FBN1: variants seen among roughly 807,000 people sequenced by gnomAD.
FBN1 encodes fibrillin 1, also known as fibrillin-1.
Under a neutral mutation model 365.1 loss-of-function variants are expected in FBN1, and 29 were observed. That is an observed-to-expected ratio of 0.08 (90% CI 0.06 to 0.11). FBN1 has a LOEUF of 0.11. Ranked by LOEUF, FBN1 falls within the 10% of genes least tolerant of loss-of-function variation. The pLI is 1.00. For missense variants in FBN1, 2,476 were observed against 3,703.2 expected, an observed-to-expected ratio of 0.67 and a Z score of 8.60; for synonymous variants, 1,210 against 1,270.5, an observed-to-expected ratio of 0.95 and a Z score of 1.01.
At chr15:48,430,893 A>C (rs1187485618) in intron 55 of FBN1, 91 bp from the exon 56 acceptor site, 1 of 1,268,672 alleles carries the variant, frequency 7.9e-7, no homozygotes, top group Admixed American at 1.8e-5. Context: ...GTTAGTAAGT[A>C]ACCAATTTTC....
chr15:48,471,531 G>A (rs1301353788), intron 35 of FBN1, among the ~76,000 whole-genome samples: 1 of 152,162 alleles, frequency 6.6e-6, no homozygotes, highest in African/African-American at 2.4e-5. Context: ...ACATGATCAA[G>A]AGCATAATCT....
chr15:48,424,342 G>T lies in FBN1; in HGVS notation c.7453+1027C>A, dbSNP rs1222872371. Among the ~76,000 whole-genome samples, 12 of 152,248 alleles carry T rather than the reference G, an allele frequency of 7.9e-5. No individual in the cohort carries two copies. In the South Asian group the frequency reaches 1.2e-3, roughly 16 times the overall value. On this transcript the variant is annotated intron_variant, in intron 60 of 65. Coordinates refer to ENST00000316623, the MANE Select transcript of FBN1 (RefSeq NM_000138.5). ...TAACTCTCCCTTTCAGCAGACACAG[G>T]AAAGAGGTCAAGAGCCCAACTTCTC...
At chr15:48,503,706 C>T in intron 17 of FBN1, 81 bp downstream of exon 17, 2 of 1,590,878 alleles carry the variant, frequency 1.3e-6, no homozygotes, top group South Asian at 2.2e-5. Context: ...ATGTCATCTT[C>T]CCTGTGAATT....
In FBN1 at chr15:48,495,607, TA is replaced by T; in HGVS notation, c.2420-20del. On this transcript the variant is annotated intron_variant, in intron 20 of 65. Coordinates refer to ENST00000316623, the MANE Select transcript of FBN1 (RefSeq NM_000138.5). ...TCAATGTCTGAAACAAAAACAGGTC[TA>T]CATTACTGCTAAAATCTAGTCTTGG... The T allele has an allele frequency of 6.2e-7, 1 of 1,614,064 alleles. No homozygotes were observed. The highest frequency in any genetic ancestry group is 1.1e-5 in the South Asian group (1 of 91,084).
Position 48,495,551 on chromosome 15 carries a change from T to C in FBN1, c.2457A>G (p.Gly819=). 6.2e-7 allele frequency: 1 copy of C among 1,614,050 alleles called. No homozygotes were observed. Among genetic ancestry groups the C allele is most frequent in the Non-Finnish European group, 8.5e-7 (1 of 1,179,974 alleles). ...AAGAGCCTGGGCTGTTCTTGCAGAC[T>C]CCATTAATGCAAGGACTTGATTCGC... ...DECESSPCIN[G]VCKNSPGSFI... The change falls in exon 21 of 66, where the codon GGA becomes GGG. Residue 819 remains glycine, a synonymous_variant. Transcript: ENST00000316623.
Position 48,474,302 on chromosome 15 carries a change from C to A in FBN1, c.4163G>T (p.Arg1388Leu), listed in dbSNP as rs749196340. The A allele has an allele frequency of 6.2e-7, 1 of 1,614,034 alleles. No homozygotes were observed. Among genetic ancestry groups the A allele is most frequent in the Middle Eastern group, 1.6e-4 (1 of 6,062 alleles). Reference sequence around the variant, plus strand: ...TGTGTATCCTTCCTTGCACAGACAGCGGTAAGATCCCATGGTATTCTTGCA... The same window carrying A: ...TGTGTATCCTTCCTTGCACAGACAGAGGTAAGATCCCATGGTATTCTTGCA... ...ADCKNTMGSY[R>L]CLCKEGYTGD... The change falls in exon 34 of 66, where the codon CGC becomes CTC. Residue 1388 changes from arginine to leucine, a missense_variant. Around this residue, in one of 5 missense-constraint regions of FBN1, gnomAD observed 1,780 missense variants for 2,840.8 expected, o/e 0.63. Coordinates refer to ENST00000316623, the MANE Select transcript of FBN1 (RefSeq NM_000138.5).
intron 8 of FBN1, among the ~76,000 whole-genome samples, chr15:48,531,772 G>A (rs2043975153): frequency 6.6e-6 from 1 of 152,102 alleles, no homozygotes; most frequent in African/African-American, 2.4e-5. Context: ...TTTCTTACCA[G>A]AGTAAGACAG....
At position 48,465,436 on chromosome 15, in the gene FBN1, C is replaced by G. The variant is rs534160271; in HGVS notation, c.4942+132G>C. 1.3e-3 allele frequency: 1,332 copies of G among 1,013,068 alleles called. 2 individuals carry two copies. The highest frequency in any genetic ancestry group is 4.4e-3 in the Admixed American group (242 of 55,340). The allele number at this position is 1,013,068 out of a possible 1,614,324, so 62.8% of individuals were successfully genotyped here. On this transcript the variant is annotated intron_variant, in intron 40 of 65. Transcript: ENST00000316623. Reference sequence around the variant, plus strand: ...CCAAATTGCCACATGTGAGACATATCTACCTGGCTATGTTCGTGTTTAGAA... The same window carrying G: ...CCAAATTGCCACATGTGAGACATATGTACCTGGCTATGTTCGTGTTTAGAA...
intron 4 of FBN1, among the ~76,000 whole-genome samples, chr15:48,607,183 C>A (rs2044619797): frequency 6.6e-6 from 1 of 151,962 alleles, no homozygotes; most frequent in African/African-American, 2.4e-5. Context: ...TAATTTTTAG[C>A]ATTCTTAAAG....
intron 58 of FBN1, among the ~76,000 whole-genome samples, chr15:48,426,422 GA>G (rs2042979970): frequency 6.6e-6 from 1 of 152,056 alleles, no homozygotes; most frequent in Admixed American, 6.6e-5. Context: ...GGTGAGGGGG[GA>G]AACTAACCAG....
rs546285750 is a variant in FBN1, at chr15:48,534,247, T to C, written c.737-42A>G. 4.5e-5 allele frequency: 71 copies of C among 1,576,386 alleles called. No individual in the cohort carries two copies. In the South Asian group the frequency reaches 6.0e-4, roughly 13 times the overall value. ...GACAGAGAGAAAAAAAAAAAACTCATATGAAATTCATTGCAGAATAAAATG... is the reference window on the plus strand; with the variant it reads ...GACAGAGAGAAAAAAAAAAAACTCACATGAAATTCATTGCAGAATAAAATG... On this transcript the variant is annotated intron_variant, in intron 7 of 65. Transcript: ENST00000316623.
intron 6 of FBN1, among the ~76,000 whole-genome samples, chr15:48,585,392 A>G (rs1597618487): frequency 6.6e-6 from 1 of 152,274 alleles, no homozygotes; most frequent in South Asian, 2.1e-4. Flanking sequence ...ATATGGCAGG[A>G]AAGTTGGAGA....
At chr15:48,641,455 C>T (rs890965617) in intron 2 of FBN1, 4 of 152,124 alleles carry the variant, frequency 2.6e-5, no homozygotes, top group African/African-American at 4.8e-5. Context: ...AATACCAAGG[C>T]GGATTTTGTA....
chr15:48,477,021 TACTC>T (rs1460819171), intron 32 of FBN1, among the ~76,000 whole-genome samples: 2 of 152,114 alleles, frequency 1.3e-5, no homozygotes, highest in Non-Finnish European at 2.9e-5. Flanking sequence ...CTTATAGAAA[TACTC>T]ACTAATATCT....
At position 48,468,503 on chromosome 15, in the gene FBN1, G is replaced by A. The variant is rs2043341481; in HGVS notation, c.4491C>T (p.Cys1497=). ...GAGTGTTGACACAGTTCCCACTGATGCACGTGGTTGGATCCAGGCATTCAT... is the reference window on the plus strand; with the variant it reads ...GAGTGTTGACACAGTTCCCACTGATACACGTGGTTGGATCCAGGCATTCAT... ...DVNECLDPTT[C]ISGNCVNTPG... The change falls in exon 37 of 66, where the codon TGC becomes TGT. Residue 1497 remains cysteine (C), a synonymous_variant. Transcript: ENST00000316623. 6.2e-7 allele frequency: 1 copy of A among 1,613,992 alleles called. No individual in the cohort carries two copies. The highest frequency in any genetic ancestry group is 1.3e-5 in the African/African-American group (1 of 75,042).
intron 63 of FBN1, among the ~76,000 whole-genome samples, chr15:48,417,293 G>A (rs1208270964): frequency 1.3e-5 from 2 of 151,966 alleles, no homozygotes; most frequent in African/African-American, 4.8e-5. Flanking sequence ...TGGTGGGGAA[G>A]GATGCTCACT....
chr15:48,564,100 A>C (rs2044243043), intron 6 of FBN1, among the ~76,000 whole-genome samples: 1 of 152,102 alleles, frequency 6.6e-6, no homozygotes, highest in Non-Finnish European at 1.5e-5. Context: ...TGGAAGTTTT[A>C]GGGGAAGGCT....
At chr15:48,551,507 CTT>C (rs773123577) in intron 6 of FBN1, among the ~76,000 whole-genome samples, 45 of 138,722 alleles carry the variant, frequency 3.2e-4, no homozygotes, top group Admixed American at 4.3e-4. Flanking sequence ...AGACCTTGTT[CTT>C]TTTTTTTTTT....
intron 60 of FBN1, among the ~76,000 whole-genome samples, chr15:48,425,160 G>A (rs749487948): frequency 5.3e-5 from 8 of 152,214 alleles, no homozygotes; most frequent in Admixed American, 4.6e-4. Context: ...GGGGCATGCA[G>A]CAAGGACAGC....
Sources: allele counts gnomAD v4.1 joint callset (sites outside exome capture counted in the v4.1 genomes callset), GRCh38; gene constraint gnomAD v4.1.1; regional missense constraint gnomAD v4.1.1; transcripts MANE v1.5; gene names NCBI Gene and HGNC (gene_info 2026-07-23, HGNC 2026-07-21).